CCDC141: variants seen among roughly 807,000 people sequenced by gnomAD.
CCDC141 encodes coiled-coil domain containing 141.
In CCDC141, 168 loss-of-function variants were observed where a neutral mutation model predicts 181.0. The ratio of observed to expected loss-of-function variants is 0.93; its 90% CI spans 0.82 to 1.05. CCDC141 has a LOEUF of 1.05. Among genes scored for constraint, CCDC141 ranks in the 50% least tolerant of loss-of-function variants. CCDC141 has a pLI of 0.00. For missense variants in CCDC141, 1,902 were observed against 1,788.5 expected, an observed-to-expected ratio of 1.06 and a Z score of -1.14; for synonymous variants, 666 against 642.3, an observed-to-expected ratio of 1.04 and a Z score of -0.56.
In CCDC141 at chr2:178,834,303, C is replaced by T; in HGVS notation, c.4463G>A (p.Gly1488Asp). 1 of 1,535,994 alleles carries T rather than the reference C, an allele frequency of 6.5e-7. No individual in the cohort carries two copies. The highest frequency in any genetic ancestry group is 8.7e-7 in the Non-Finnish European group (1 of 1,146,856). Residue 1488 changes from glycine (G) to aspartate (D), a missense_variant, in exon 24 of 24, where the codon GGC (glycine) becomes GAC (aspartate). Gly to Asp is a moderately conservative substitution (Grantham distance 94). Transcript: ENST00000443758. ...GAGGATGACATTGGAAGAGAGAGCG[C>T]CGCTAGAGTTTTGGGCCCGAGCCAC... ...LYVARAQNSS[G>D]ALSSNVILHV...
chr2:178,877,829 C>G, intron 12 of CCDC141, 135 bp downstream of exon 12: 1 of 828,904 alleles, frequency 1.2e-6, no homozygotes, highest in South Asian at 1.4e-5. Context: ...CAGGACTGGT[C>G]TAGGTTGAAT....
At chr2:178,909,081 A>G (rs1688108556) in intron 7 of CCDC141, among the ~76,000 whole-genome samples, 1 of 152,192 alleles carries the variant, frequency 6.6e-6, no homozygotes, top group African/African-American at 2.4e-5. Context: ...TCTCATCTTT[A>G]TTGGAATTAG....
chr2:178,873,373 C>T (rs987372947), intron 12 of CCDC141: 1 of 151,816 alleles, frequency 6.6e-6, no homozygotes, highest in Non-Finnish European at 1.5e-5. Context: ...ACGTTATATT[C>T]CCTCATTATT....
intron 2 of CCDC141, among the ~76,000 whole-genome samples, chr2:179,021,071 A>C (rs1224548917): frequency 6.6e-6 from 1 of 152,232 alleles, no homozygotes; most frequent in Non-Finnish European, 1.5e-5. Context: ...CACCATCATT[A>C]ATAGTAACCA....
chr2:178,998,886 A>T (rs966598151), intron 2 of CCDC141, among the ~76,000 whole-genome samples: 1 of 152,148 alleles, frequency 6.6e-6, no homozygotes, highest in African/African-American at 2.4e-5. Flanking sequence ...AGAAATGTTA[A>T]TGTGTATTTA....
intron 6 of CCDC141, among the ~76,000 whole-genome samples, chr2:178,934,812 A>T (rs1031800852): frequency 2.0e-5 from 3 of 152,198 alleles, no homozygotes; most frequent in Non-Finnish European, 2.9e-5. Flanking sequence ...CTGTGTTACC[A>T]CATTATTTAT....
intron 8 of CCDC141, among the ~76,000 whole-genome samples, chr2:178,897,926 G>T (rs1251110535): frequency 6.6e-6 from 1 of 152,146 alleles, no homozygotes; most frequent in Non-Finnish European, 1.5e-5. Flanking sequence ...TTGGTAGCAG[G>T]CCATCTTTGG....
At chr2:178,973,175 G>T (rs942499901) in intron 4 of CCDC141, among the ~76,000 whole-genome samples, 3 of 152,042 alleles carry the variant, frequency 2.0e-5, no homozygotes, top group Non-Finnish European at 4.4e-5. Flanking sequence ...ATATCCCATG[G>T]AATTAGTTGG....
At chr2:179,023,304 A>C (rs1169324037) in intron 2 of CCDC141, among the ~76,000 whole-genome samples, 1 of 152,094 alleles carries the variant, frequency 6.6e-6, no homozygotes, top group Non-Finnish European at 1.5e-5. Flanking sequence ...CCTCCATTTC[A>C]CAGATGAGGA....
rs1303785297 is a variant in CCDC141 at position 178,975,028 on chromosome 2, C to G, written c.526+29G>C. ...TAACATCTTTTAAAACCTCTAAACA[C>G]TTCTGTGAGAAATAAACATATTTCT... On this transcript the variant is annotated intron_variant, in intron 4 of 23. Transcript: ENST00000443758. The G allele has an allele frequency of 2.6e-6, 3 of 1,164,678 alleles. No individual in the cohort carries two copies. In the African/African-American group the frequency reaches 4.6e-5, roughly 18 times the overall value. The allele number at this position is 1,164,678 out of a possible 1,614,324, so 72.1% of individuals were successfully genotyped here.
intron 22 of CCDC141, among the ~76,000 whole-genome samples, chr2:178,840,585 G>C (rs891923327): frequency 1.3e-5 from 2 of 152,138 alleles, no homozygotes; most frequent in African/African-American, 4.8e-5. Flanking sequence ...GAAATGCATG[G>C]GTTCAGGTTG....
chr2:178,891,477 T>C (rs995842628), intron 8 of CCDC141, among the ~76,000 whole-genome samples: 5 of 152,142 alleles, frequency 3.3e-5, no homozygotes, highest in African/African-American at 1.2e-4. Flanking sequence ...TTTTCTCCTC[T>C]AAAATTTCAC....
At position 179,045,568 on chromosome 2, in the gene CCDC141, A is replaced by G. The variant is rs924980699; in HGVS notation, c.225+1716T>C. Among the ~76,000 whole-genome samples, 13 of 151,834 alleles carry G rather than the reference A, an allele frequency of 8.6e-5. 1 individual carries two copies. Among genetic ancestry groups the G allele is most frequent in the African/African-American group, 3.1e-4 (13 of 41,310 alleles). On this transcript the variant is annotated intron_variant, in intron 2 of 23. Transcript: ENST00000443758. ...GGTCAAATGGTATTTCTAGTTCTAG[A>G]TCCCTGAGGAGTCGCCACGCTGACT...
intron 2 of CCDC141, among the ~76,000 whole-genome samples, chr2:179,027,415 C>T (rs550023478): frequency 6.2e-4 from 94 of 151,948 alleles, no homozygotes; most frequent in African/African-American, 1.3e-3. Context: ...GAGGCTGAGG[C>T]GGGCGGATCA....
At chr2:179,019,757 ATTAT>A (rs2042642240) in intron 2 of CCDC141, among the ~76,000 whole-genome samples, 1 of 151,842 alleles carries the variant, frequency 6.6e-6, no homozygotes, top group Non-Finnish European at 1.5e-5. Flanking sequence ...ATAAATATTT[ATTAT>A]TTATTTATTT....
chr2:178,919,659 G>C (rs975634922), intron 6 of CCDC141, among the ~76,000 whole-genome samples: 1 of 152,190 alleles, frequency 6.6e-6, no homozygotes, highest in Non-Finnish European at 1.5e-5. Flanking sequence ...CAGTCTCACT[G>C]TCAATGCAGG....
At chr2:178,901,955 CCAA>C (rs1406339226) in intron 8 of CCDC141, among the ~76,000 whole-genome samples, 2 of 152,112 alleles carry the variant, frequency 1.3e-5, no homozygotes, top group Non-Finnish European at 2.9e-5. Flanking sequence ...TTCTTATACA[CCAA>C]CAACAGACAA....
intron 11 of CCDC141, among the ~76,000 whole-genome samples, chr2:178,881,591 G>C (rs1686608646): frequency 6.6e-6 from 1 of 152,054 alleles, no homozygotes; most frequent in African/African-American, 2.4e-5. Context: ...GTCGCAAGTG[G>C]AAGGGTTGAA....
chr2:178,817,196 T>C, the CCDC141 span, among the ~76,000 whole-genome samples: 4 of 152,222 alleles, frequency 2.6e-5, no homozygotes, highest in African/African-American at 7.2e-5. Context: ...TACTTTTTCA[T>C]ACTTCTAGTA....
Sources: allele counts gnomAD v4.1 joint callset (sites outside exome capture counted in the v4.1 genomes callset), GRCh38; gene constraint gnomAD v4.1.1; transcripts MANE v1.5; gene names NCBI Gene and HGNC (gene_info 2026-07-23, HGNC 2026-07-21).